Variants in NUP188 observed in about 807,000 individuals in gnomAD.
The protein encoded by NUP188 is nucleoporin 188, also known as nucleoporin NUP188.
NUP188 carries 97 observed loss-of-function variants against 223.0 expected under a neutral mutation model. The observed-to-expected ratio is 0.43, with a 90% CI of 0.37 to 0.51. The LOEUF (loss-of-function observed/expected upper bound fraction) is 0.51, where lower values mean the gene tolerates loss of function less well. Ranked by LOEUF, NUP188 falls within the 20% of genes least tolerant of loss-of-function variation. The probability of loss-of-function intolerance (pLI) is 0.00; values close to 1 mark genes in which losing one functional copy is unlikely to be tolerated. For synonymous variants in NUP188, 869 were observed against 828.0 expected (o/e 1.05, Z -0.85); for missense variants, 1,947 against 2,175.6 (o/e 0.89, Z 2.09).
intron 38 of NUP188, among the ~76,000 whole-genome samples, chr9:129,004,197 C>A (rs1261173153): frequency 6.7e-6 from 1 of 149,434 alleles, no homozygotes; most frequent in Non-Finnish European, 1.5e-5. Context: ...GCAGGAGAAT[C>A]GCTTGAACTC....
chr9:128,999,078 C>G (rs1324909982), intron 32 of NUP188, 94 bp from the exon 33 acceptor site: 3 of 987,874 alleles, frequency 3.0e-6, no homozygotes, highest in Non-Finnish European at 4.7e-6. Flanking sequence ...GTCTCGAACT[C>G]CTGACCTCAG....
chr9:128,981,295 A>G lies in NUP188; in HGVS notation c.1421A>G (p.Tyr474Cys), dbSNP rs1842250556. Residue 474 changes from tyrosine to cysteine, a missense_variant, in exon 15 of 44, where the codon TAC becomes TGC. Coordinates refer to ENST00000372577, the MANE Select transcript of NUP188 (RefSeq NM_015354.3). ...VYSFLDKMSF[Y>C]NELYKHKPHD... ...AGCTTCTTGGATAAGATGTCTTTCT[A>G]CAATGAACTTTATAAACACAAGCCT... 6.2e-7 allele frequency: 1 copy of G among 1,614,124 alleles called. No individual in the cohort carries two copies. Among genetic ancestry groups the G allele is most frequent in the Non-Finnish European group, 8.5e-7 (1 of 1,179,990 alleles).
At chr9:129,001,794 C>T in intron 35 of NUP188, 65 bp downstream of exon 35, 4 of 1,600,444 alleles carry the variant, frequency 2.5e-6, no homozygotes, top group Non-Finnish European at 3.4e-6. Context: ...CTGACAATCC[C>T]AGAAGCTGTG....
intron 24 of NUP188, among the ~76,000 whole-genome samples, chr9:128,988,975 G>A (rs954692152): frequency 1.1e-4 from 16 of 151,848 alleles, no homozygotes; most frequent in Admixed American, 2.0e-4. Context: ...GGCTGGTCTC[G>A]AACTCCTGAC....
At chr9:129,005,896 G>A (rs996856642) in intron 41 of NUP188, 120 bp downstream of exon 41, 1 of 1,434,226 alleles carries the variant, frequency 7.0e-7, no homozygotes. Context: ...GCTCCTCTCT[G>A]TAAACTGAAC....
At position 129,006,398 on chromosome 9, in the gene NUP188, G is replaced by A. The variant is rs757060641; in HGVS notation, c.5073+30G>A. On this transcript the variant is annotated intron_variant, in intron 43 of 43. Coordinates refer to ENST00000372577, the MANE Select transcript of NUP188 (RefSeq NM_015354.3). ...GGATGGATAGGGATACGGAGGGCTG[G>A]ACCAATAGGGCCAGAGCCCTGTGGG... 3.7e-6 allele frequency: 6 copies of A among 1,614,130 alleles called. No individual in the cohort carries two copies. In the South Asian group the frequency reaches 6.6e-5, roughly 18 times the overall value.
chr9:128,977,265 G>A (rs946889796), intron 12 of NUP188, among the ~76,000 whole-genome samples: 1 of 151,574 alleles, frequency 6.6e-6, no homozygotes. Context: ...GACTACAGGC[G>A]CCCGCCGCCA....
At position 128,995,343 on chromosome 9, in the gene NUP188, G is replaced by A; in HGVS notation, c.3180G>A (p.Lys1060=). ...GGGGTTCATTAGACCAGTCATTAAA[G>A]GATACACTGAAGAAATTTTCCATCG... The part of the protein sequence containing the change: ...VVKGSLDQSL[K]DTLKKFSIEK... Residue 1060 remains lysine, a synonymous_variant, in exon 30 of 44, where the codon AAG becomes AAA. Transcript: ENST00000372577. 1 of 1,614,052 alleles carries A rather than the reference G, an allele frequency of 6.2e-7. No homozygotes were observed. The highest frequency in any genetic ancestry group is 8.5e-7 in the Non-Finnish European group (1 of 1,179,924).
intron 20 of NUP188, 52 bp downstream of exon 20, chr9:128,985,066 G>A: frequency 7.8e-7 from 1 of 1,275,338 alleles, no homozygotes. Context: ...GTCCAGTCTT[G>A]TCAGATGACT....
rs374451599 is a variant in NUP188, at chr9:128,999,894, A to G, written c.3843+89A>G. 3.0e-4 allele frequency: 373 copies of G among 1,262,618 alleles called. 3 individuals carry two copies. The highest frequency in any genetic ancestry group is 1.1e-3 in the South Asian group (80 of 74,520). 78.2% of individuals were successfully genotyped at this position (1,262,618 alleles called of 1,614,324 possible). On this transcript the variant is annotated intron_variant, in intron 34 of 43. Coordinates refer to ENST00000372577, the MANE Select transcript of NUP188 (RefSeq NM_015354.3). ...TGGGGATAAGTAGTGATCAAGACAG[A>G]TAGTCGCTGCACTTCTGGAGTTCAC...
chr9:128,984,069 G>A (rs552330989), intron 19 of NUP188, among the ~76,000 whole-genome samples: 6 of 150,164 alleles, frequency 4.0e-5, no homozygotes, highest in South Asian at 2.1e-4. Context: ...TGATCTGCCC[G>A]CCTTAGCCTC....
At position 128,973,210 on chromosome 9, in the gene NUP188, T is replaced by A; in HGVS notation, c.1164T>A (p.Val388=). 6.2e-7 allele frequency: 1 copy of A among 1,613,734 alleles called. No individual in the cohort carries two copies. The highest frequency in any genetic ancestry group is 8.5e-7 in the Non-Finnish European group (1 of 1,179,968). Residue 388 remains valine, a synonymous_variant, in exon 12 of 44, where the codon GTT becomes GTA. Transcript: ENST00000372577. ...GTGTCTATGGACTGCTCTCTTTCGT[T>A]CTGACCTCGTTGGAGCTGCACACCC... ...CMCVYGLLSF[V]LTSLELHTLG...
chr9:128,958,919 T>A, intron 7 of NUP188, 25 bp downstream of exon 7: 3 of 1,494,762 alleles, frequency 2.0e-6, no homozygotes, highest in Non-Finnish European at 2.8e-6. Context: ...TCCTCTTGCT[T>A]CTCTTTATAC....
chr9:128,994,925 T>G lies in NUP188; in HGVS notation c.3155+2T>G. The G allele has an allele frequency of 1.2e-6, 2 of 1,604,592 alleles. No individual in the cohort carries two copies. The highest frequency in any genetic ancestry group is 1.7e-6 in the Non-Finnish European group (2 of 1,171,352). ...CTTGGAGATATACTATGTAGTAAAG[T>G]GAGTACTTTCCCCTCTTGAGATTTT... On this transcript the variant is annotated splice_donor_variant, in intron 29 of 43. Transcript: ENST00000372577. LOFTEE classifies it high-confidence loss of function.
intron 1 of NUP188, 25 bp from the exon 2 acceptor site, chr9:128,949,164 T>C: frequency 6.3e-7 from 1 of 1,598,772 alleles, no homozygotes; most frequent in Non-Finnish European, 8.6e-7. Flanking sequence ...AAGAGCAAAA[T>C]TACCTCTGTT....
intron 8 of NUP188, among the ~76,000 whole-genome samples, chr9:128,961,461 G>A (rs1264945613): frequency 1.3e-5 from 2 of 151,828 alleles, no homozygotes; most frequent in Non-Finnish European, 2.9e-5. Context: ...GCAGTGAGCC[G>A]AGATGACGCC....
chr9:128,949,244 G>C lies in NUP188; in HGVS notation c.87+1G>C, dbSNP rs1841741160. 1 of 1,607,276 alleles carries C rather than the reference G, an allele frequency of 6.2e-7. No individual in the cohort carries two copies. The highest frequency in any genetic ancestry group is 1.1e-5 in the South Asian group (1 of 90,924). ...TGGAAGGTCAGCTCTGAGAGAGCTG[G>C]TAAGTGGTGGTGTTCTTGAGTGGGT... is the stretch of plus-strand genomic sequence containing the variant. On this transcript the variant is annotated splice_donor_variant, in intron 2 of 43. Coordinates refer to ENST00000372577, the MANE Select transcript of NUP188 (RefSeq NM_015354.3). LOFTEE classifies it high-confidence loss of function.
rs867980069 is a variant in NUP188 at position 129,001,894 on chromosome 9, C to T, written c.4055C>T (p.Ala1352Val). The T allele has an allele frequency of 2.5e-6, 4 of 1,614,066 alleles. No homozygotes were observed. Among genetic ancestry groups the T allele is most frequent in the South Asian group, 1.1e-5 (1 of 91,086 alleles). ...TTTCCCTCCTCCCAGGGAGCCACAG[C>T]AGTGGCTGGAGCTGGCATCACCCAG... ...TLARTQQGAT[A>V]VAGAGITQSI... Residue 1352 changes from alanine (A) to valine (V), a missense_variant, in exon 36 of 44, where the codon GCA (alanine) becomes GTA (valine). Transcript: ENST00000372577.
chr9:129,002,040 T>C, intron 36 of NUP188, 64 bp downstream of exon 36: 1 of 1,322,482 alleles, frequency 7.6e-7, no homozygotes, highest in Non-Finnish European at 1.1e-6. Context: ...TTGAAAAGTG[T>C]CCTCCCCTAC....
Sources: gnomAD v4.1 joint callset for allele counts (sites outside exome capture counted in the v4.1 genomes callset) on GRCh38, gnomAD v4.1.1 for gene constraint, MANE v1.5 for transcripts, NCBI Gene and HGNC (gene_info 2026-07-23, HGNC 2026-07-21) for gene names.